Variants in MEF2A observed in about 807,000 individuals in gnomAD.
MEF2A encodes myocyte-specific enhancer factor 2A.
MEF2A carries 28 observed loss-of-function variants against 55.8 expected under a neutral mutation model. That is an observed-to-expected ratio of 0.50 (90% CI 0.37 to 0.69). MEF2A has a LOEUF of 0.69. Among genes scored for constraint, MEF2A ranks in the 30% least tolerant of loss-of-function variants. The pLI is 0.00. For synonymous variants in MEF2A, 239 were observed against 227.1 expected, an observed-to-expected ratio of 1.05 and a Z score of -0.47; for missense variants, 528 against 626.2, an observed-to-expected ratio of 0.84 and a Z score of 1.67.
intron 4 of MEF2A, among the ~76,000 whole-genome samples, chr15:99,648,521 G>C (rs763657639): frequency 6.6e-5 from 10 of 152,026 alleles, no homozygotes; most frequent in Non-Finnish European, 1.0e-4. Flanking sequence ...ATCTACTTTA[G>C]AGTGATTTCT....
chr15:99,571,193 A>AC (rs1962111012), intron 1 of MEF2A, among the ~76,000 whole-genome samples: 11 of 151,998 alleles, frequency 7.2e-5, no homozygotes, highest in African/African-American at 2.7e-4. Flanking sequence ...CCAAAAAAAA[A>AC]AAAACAACAA....
rs2058041540 is a variant in MEF2A, at chr15:99,706,330, T to C, written c.883-399T>C. Among the ~76,000 whole-genome samples, 5 of 152,264 alleles carry C rather than the reference T, an allele frequency of 3.3e-5. 1 individual carries two copies. The South Asian group carries it at 1.0e-3, about 31-fold the overall frequency. ...AAAGTAGTTTTGATTCCTATACTCA[T>C]AGACGTACAATCCCTATATATACAG... On this transcript the variant is annotated intron_variant, in intron 9 of 11. Coordinates refer to ENST00000557942, the MANE Select transcript of MEF2A (RefSeq NM_001319206.4).
intron 4 of MEF2A, among the ~76,000 whole-genome samples, chr15:99,670,421 A>T (rs2050631682): frequency 1.3e-5 from 2 of 152,290 alleles, no homozygotes; most frequent in African/African-American, 4.8e-5. Context: ...ATCCTGGCTA[A>T]CATGGTGAAA....
rs2058748452 is a variant in MEF2A, at chr15:99,712,494, C to T, written c.1241C>T (p.Pro414Leu). 6.5e-7 allele frequency: 1 copy of T among 1,548,884 alleles called. No homozygotes were observed. The highest frequency in any genetic ancestry group is 8.7e-7 in the Non-Finnish European group (1 of 1,146,292). ...PISPPRDRMT[P>L]SGFQQQQQQQ... is the part of the protein sequence containing the mutation. ...TCACCTCCTCGGGATCGTATGACCC[C>T]ATCGGGCTTCCAGCAGCAGCAGCAG... Residue 414 changes from proline (P) to leucine (L), a missense_variant, in exon 12 of 12, where the codon CCA (proline) becomes CTA (leucine). Coordinates refer to ENST00000557942, the MANE Select transcript of MEF2A (RefSeq NM_001319206.4). The surrounding 1 kb of genome is among the most constrained non-coding windows in gnomAD (Gnocchi z 4.1).
Position 99,713,956 on chromosome 15 carries a change from A to G in MEF2A, c.*1185A>G, listed in dbSNP as rs1457407073. The G allele has an allele frequency of 6.6e-6, 1 of 152,156 alleles. No individual in the cohort carries two copies. Among genetic ancestry groups the G allele is most frequent in the African/African-American group, 2.4e-5 (1 of 41,416 alleles). 9.4% of individuals were successfully genotyped at this position (152,156 alleles called of 1,614,324 possible). ...TGTGGATTGCCGCCAATCTGGGGGG[A>G]AAAGGCGAGGTCCTTTATTAAGTAT... On this transcript the variant is annotated 3_prime_UTR_variant, in exon 12 of 12. Transcript: ENST00000557942.
chr15:99,713,668 T>C lies in MEF2A; in HGVS notation c.*897T>C, dbSNP rs1188268147. 1.3e-5 allele frequency: 2 copies of C among 152,232 alleles called. No individual in the cohort carries two copies. The highest frequency in any genetic ancestry group is 4.8e-5 in the African/African-American group (2 of 41,458). 9.4% of individuals were successfully genotyped at this position (152,232 alleles called of 1,614,324 possible). A position where few individuals can be genotyped will look rare whatever the true frequency, so the allele number is the denominator to read the frequency against. ...TTTGAACACATTCTGCTATGAATTA[T>C]TTATATAAGCCAAAGCTATATGTTG... On this transcript the variant is annotated 3_prime_UTR_variant, in exon 12 of 12. Coordinates refer to ENST00000557942, the MANE Select transcript of MEF2A (RefSeq NM_001319206.4).
intron 2 of MEF2A, among the ~76,000 whole-genome samples, chr15:99,612,911 A>C (rs2039530279): frequency 6.6e-6 from 1 of 152,010 alleles, no homozygotes; most frequent in African/African-American, 2.4e-5. Flanking sequence ...CTTCTTTAGC[A>C]AGTGAAAAAA....
intron 3 of MEF2A, among the ~76,000 whole-genome samples, chr15:99,640,331 A>G (rs747796698): frequency 2.0e-5 from 3 of 152,038 alleles, no homozygotes; most frequent in Non-Finnish European, 4.4e-5. Context: ...TTTTGGGACT[A>G]TTTCGTTAGG....
At chr15:99,644,789 A>G (rs1376597591) in intron 3 of MEF2A, among the ~76,000 whole-genome samples, 2 of 152,190 alleles carry the variant, frequency 1.3e-5, no homozygotes, top group African/African-American at 2.4e-5. Flanking sequence ...CCCATCCCGT[A>G]TTAGAAGAAG....
chr15:99,663,118 G>T (rs1048032157), intron 4 of MEF2A, among the ~76,000 whole-genome samples: 1 of 151,846 alleles, frequency 6.6e-6, no homozygotes, highest in African/African-American at 2.4e-5. Flanking sequence ...AGTTAAAAGT[G>T]CAGGCATGGG....
chr15:99,639,506 T>C (rs903096163), intron 3 of MEF2A, among the ~76,000 whole-genome samples: 1 of 152,200 alleles, frequency 6.6e-6, no homozygotes, highest in African/African-American at 2.4e-5. Flanking sequence ...TTGTTTCTAA[T>C]TTTTTACTGT....
intron 7 of MEF2A, among the ~76,000 whole-genome samples, chr15:99,687,921 G>A (rs2054609585): frequency 6.6e-6 from 1 of 152,074 alleles, no homozygotes; most frequent in South Asian, 2.1e-4. Flanking sequence ...AATAGTAAAG[G>A]TACTTCTATG....
intron 8 of MEF2A, among the ~76,000 whole-genome samples, chr15:99,695,235 A>G (rs2056242259): frequency 6.6e-6 from 1 of 152,186 alleles, no homozygotes; most frequent in African/African-American, 2.4e-5. Flanking sequence ...AAAATAAAAT[A>G]TATGACAACA....
chr15:99,668,993 C>G (rs1456747370), intron 4 of MEF2A, among the ~76,000 whole-genome samples: 1 of 152,092 alleles, frequency 6.6e-6, no homozygotes, highest in Non-Finnish European at 1.5e-5. Flanking sequence ...TGACAGAAAC[C>G]CCATCTGAAG....
At chr15:99,711,859 G>A (rs1042499530) in intron 11 of MEF2A, among the ~76,000 whole-genome samples, 1 of 152,252 alleles carries the variant, frequency 6.6e-6, no homozygotes, top group Non-Finnish European at 1.5e-5. Context: ...CAAGTGGAAA[G>A]GGCTCAGAGC....
chr15:99,668,473 G>A (rs1031145689), intron 4 of MEF2A, among the ~76,000 whole-genome samples: 7 of 152,162 alleles, frequency 4.6e-5, no homozygotes, highest in Non-Finnish European at 8.8e-5. Context: ...TTGTTGGAAT[G>A]GCATTGAAAA....
chr15:99,671,767 G>T lies in MEF2A; in HGVS notation c.390+313G>T. 3 of 1,158,376 alleles carry T rather than the reference G, an allele frequency of 2.6e-6. No individual in the cohort carries two copies. In the South Asian group the frequency reaches 6.3e-5, roughly 25 times the overall value. 71.8% of individuals were successfully genotyped at this position (1,158,376 alleles called of 1,614,324 possible). On this transcript the variant is annotated intron_variant, in intron 5 of 11. Coordinates refer to ENST00000557942, the MANE Select transcript of MEF2A (RefSeq NM_001319206.4). Reference sequence around the variant, plus strand: ...GATGACAACAATAAGTAGAAGGGAAGAAATGCATTTTATTAGTATTTTTTA... The same window carrying T: ...GATGACAACAATAAGTAGAAGGGAATAAATGCATTTTATTAGTATTTTTTA...
At chr15:99,603,721 G>A (rs1479614100) in intron 2 of MEF2A, among the ~76,000 whole-genome samples, 2 of 152,064 alleles carry the variant, frequency 1.3e-5, no homozygotes, top group African/African-American at 2.4e-5. Context: ...AATGTTTTGT[G>A]TGTACTTAAG....
intron 2 of MEF2A, among the ~76,000 whole-genome samples, chr15:99,614,340 C>G (rs900378845): frequency 2.0e-5 from 3 of 152,160 alleles, no homozygotes; most frequent in Non-Finnish European, 2.9e-5. Flanking sequence ...TCCCTCACCT[C>G]ACCGTCCCAA....
Sources: allele counts gnomAD v4.1 joint callset (sites outside exome capture counted in the v4.1 genomes callset), GRCh38; gene constraint gnomAD v4.1.1; non-coding constraint Gnocchi (gnomAD v3.1); transcripts MANE v1.5; gene names NCBI Gene and HGNC (gene_info 2026-07-23, HGNC 2026-07-21).